ASXL2: variants seen among roughly 807,000 people sequenced by gnomAD.
ASXL2 encodes the protein putative Polycomb group protein ASXL2.
In ASXL2, 23 loss-of-function variants were observed where a neutral mutation model predicts 122.0. That is an observed-to-expected ratio of 0.19 (90% CI 0.14 to 0.27). The LOEUF is 0.27. Ranked by LOEUF, ASXL2 falls within the 10% of genes least tolerant of loss-of-function variation. The pLI is 1.00. For missense variants in ASXL2, 1,518 were observed against 1,713.8 expected, an observed-to-expected ratio of 0.89 and a Z score of 2.02; for synonymous variants, 650 against 637.0, an observed-to-expected ratio of 1.02 and a Z score of -0.31.
At chr2:25,863,040 C>G (rs1167902319) in intron 1 of ASXL2, among the ~76,000 whole-genome samples, 7 of 152,218 alleles carry the variant, frequency 4.6e-5, no homozygotes, top group African/African-American at 1.7e-4. Context: ...CAAACTAAAG[C>G]AGCTCACAGC....
chr2:25,754,888 A>G (rs1290353356), intron 10 of ASXL2, among the ~76,000 whole-genome samples: 2 of 152,168 alleles, frequency 1.3e-5, no homozygotes, highest in African/African-American at 4.8e-5. Context: ...AGGACAAAGT[A>G]ATCAGAGCAA....
chr2:25,753,176 G>A (rs972195985), intron 11 of ASXL2, among the ~76,000 whole-genome samples: 1 of 151,592 alleles, frequency 6.6e-6, no homozygotes, highest in East Asian at 1.9e-4. Flanking sequence ...CACCATGTTG[G>A]TCAGGCTGGT....
chr2:25,832,265 T>C (rs1410029360), intron 3 of ASXL2, among the ~76,000 whole-genome samples: 1 of 152,220 alleles, frequency 6.6e-6, no homozygotes, highest in African/African-American at 2.4e-5. Flanking sequence ...GTTTCCACAC[T>C]TCACTTAGAG....
At chr2:25,746,719 G>A (rs1433602329) in intron 12 of ASXL2, among the ~76,000 whole-genome samples, 5 of 152,156 alleles carry the variant, frequency 3.3e-5, no homozygotes, top group South Asian at 4.2e-4. Context: ...GAAAGGTTTC[G>A]ATACCTAAAA....
intron 1 of ASXL2, among the ~76,000 whole-genome samples, chr2:25,865,922 C>T (rs1359056085): frequency 1.3e-5 from 2 of 151,686 alleles, no homozygotes; most frequent in African/African-American, 4.8e-5. Context: ...TCTGTGGACA[C>T]GTGTAACCAC....
At chr2:25,767,016 T>C (rs981742367) in intron 8 of ASXL2, among the ~76,000 whole-genome samples, 3 of 152,212 alleles carry the variant, frequency 2.0e-5, no homozygotes, top group African/African-American at 7.2e-5. Flanking sequence ...TGAAAAATTC[T>C]ATCCAGTTTT....
At chr2:25,853,705 A>C (rs748799757) in intron 1 of ASXL2, among the ~76,000 whole-genome samples, 1 of 151,964 alleles carries the variant, frequency 6.6e-6, no homozygotes, top group Non-Finnish European at 1.5e-5. Context: ...GCTGGAGTAC[A>C]TGATCATAGC....
In ASXL2 at chr2:25,742,650, C is replaced by A. The variant is rs780427500; in HGVS notation, c.3687G>T (p.Lys1229Asn). The A allele has an allele frequency of 2.5e-6, 4 of 1,613,996 alleles. No homozygotes were observed. In the South Asian group the frequency reaches 3.3e-5, roughly 13 times the overall value. The change falls in exon 13 of 13, where the codon AAG (lysine) becomes AAT (asparagine). Residue 1229 changes from lysine to asparagine, a missense_variant. This residue lies in a region of ASXL2 where 831 missense variants were observed against 833.1 expected (regional missense o/e 1.00). Transcript: ENST00000435504. ...TCAATGGTATCTCAGCCTTCACATT[C>A]TTGCTAGCTAAGCAATCACTGGTAG... is the stretch of plus-strand genomic sequence containing the variant. ...TLSTSDCLAS[K>N]NVKAEIPLNE...
intron 5 of ASXL2, among the ~76,000 whole-genome samples, chr2:25,772,406 A>G (rs2088470963): frequency 6.6e-6 from 1 of 152,140 alleles, no homozygotes. Context: ...ATGATATCCC[A>G]TGGTAAGGGC....
At chr2:25,759,827 T>C (rs546430861) in intron 8 of ASXL2, among the ~76,000 whole-genome samples, 182 bp from the exon 9 acceptor site, 6 of 152,220 alleles carry the variant, frequency 3.9e-5, no homozygotes, top group Non-Finnish European at 7.3e-5. Context: ...GTTTTGTTCA[T>C]TTATAGAGGA....
intron 3 of ASXL2, among the ~76,000 whole-genome samples, chr2:25,830,625 C>CA (rs755161150): frequency 0.054 from 4,423 of 81,506 alleles, 210 homozygotes; most frequent in African/African-American, 0.14. Context: ...GACTCTGCCT[C>CA]AAAAAAAAAA....
chr2:25,878,238 G>A lies in ASXL2; in HGVS notation c.-16C>T. On this transcript the variant is annotated 5_prime_UTR_variant, in exon 1 of 13. Coordinates refer to ENST00000435504, the MANE Select transcript of ASXL2 (RefSeq NM_018263.6). ...TTTCCCTCATGTCGGGTCTTGAACT[G>A]ACTGGGAGGCTCCCGTGTCCGGGCT... 6.2e-7 allele frequency: 1 copy of A among 1,613,452 alleles called. No homozygotes were observed. The highest frequency in any genetic ancestry group is 8.5e-7 in the Non-Finnish European group (1 of 1,179,682).
chr2:25,793,110 GTAGTCCCA>G (rs2088860927), intron 5 of ASXL2, among the ~76,000 whole-genome samples: 1 of 151,948 alleles, frequency 6.6e-6, no homozygotes, highest in Non-Finnish European at 1.5e-5. Context: ...GTGCACGCCT[GTAGTCCCA>G]GCTACTGGGG....
intron 5 of ASXL2, among the ~76,000 whole-genome samples, chr2:25,783,271 G>A (rs931550797): frequency 4.0e-5 from 6 of 151,382 alleles, no homozygotes; most frequent in Non-Finnish European, 1.5e-5. Flanking sequence ...TCTCTACTGG[G>A]TTCAATTTTT....
chr2:25,781,471 TTC>T (rs765062258), intron 5 of ASXL2, among the ~76,000 whole-genome samples: 3 of 152,172 alleles, frequency 2.0e-5, no homozygotes, highest in Non-Finnish European at 2.9e-5. Flanking sequence ...CGCAAATATA[TTC>T]TTTTTCATTA....
At chr2:25,835,346 C>T (rs1306164107) in intron 3 of ASXL2, among the ~76,000 whole-genome samples, 192 bp downstream of exon 3, 1 of 152,116 alleles carries the variant, frequency 6.6e-6, no homozygotes, top group African/African-American at 2.4e-5. Context: ...TAATTACAAA[C>T]TGCAAGAACC....
intron 9 of ASXL2, among the ~76,000 whole-genome samples, chr2:25,757,556 TC>T (rs1394629351): frequency 2.7e-5 from 4 of 145,936 alleles, no homozygotes; most frequent in African/African-American, 1.0e-4. Flanking sequence ...ACGCCTGTAA[TC>T]CCAGCCACTC....
At chr2:25,782,029 C>A (rs1159495459) in intron 5 of ASXL2, among the ~76,000 whole-genome samples, 2 of 133,494 alleles carry the variant, frequency 1.5e-5, no homozygotes, top group Admixed American at 8.0e-5. Flanking sequence ...TGGTCTCAAA[C>A]TCCTGGCCTC....
chr2:25,746,535 A>T (rs2087945082), intron 12 of ASXL2, among the ~76,000 whole-genome samples: 1 of 151,736 alleles, frequency 6.6e-6, no homozygotes. Context: ...AAACTAAAAA[A>T]GTAAATACAA....
Sources: allele counts gnomAD v4.1 joint callset (sites outside exome capture counted in the v4.1 genomes callset), GRCh38; gene constraint gnomAD v4.1.1; regional missense constraint gnomAD v4.1.1; transcripts MANE v1.5; gene names NCBI Gene and HGNC (gene_info 2026-07-23, HGNC 2026-07-21).